GDA: variants seen among roughly 807,000 people sequenced by gnomAD.
GDA encodes the protein guanine deaminase.
A neutral mutation model predicts 59.6 loss-of-function variants in GDA; 18 were observed. The observed-to-expected ratio is 0.30, with a 90% CI of 0.21 to 0.45. GDA has a LOEUF of 0.45. GDA is among the 20% of genes least tolerant of loss of function. The probability of loss-of-function intolerance (pLI) is 1.00; values close to 1 mark genes in which losing one functional copy is unlikely to be tolerated. For synonymous variants in GDA, 201 were observed against 201.1 expected (o/e 1.00, Z 0.00); for missense variants, 427 against 552.3 (o/e 0.77, Z 2.27).
chr9:72,196,134 G>A (rs1321224442), intron 2 of GDA, among the ~76,000 whole-genome samples: 5 of 151,404 alleles, frequency 3.3e-5, no homozygotes, highest in African/African-American at 7.3e-5. Context: ...TTTAATATTC[G>A]TTATATTTCA....
chr9:72,214,108 T>G, intron 5 of GDA, 117 bp downstream of exon 5: 12 of 626,428 alleles, frequency 1.9e-5, no homozygotes, highest in East Asian at 8.6e-5. Flanking sequence ...GATGTGCACA[T>G]AGTGACTCAG....
chr9:72,222,087 G>T (rs375944137), intron 6 of GDA, among the ~76,000 whole-genome samples: 2 of 152,206 alleles, frequency 1.3e-5, no homozygotes, highest in Non-Finnish European at 2.9e-5. Context: ...TAATGGGATT[G>T]TTGAGTCAAA....
chr9:72,118,903 T>G (rs1825563646), intron 1 of GDA, among the ~76,000 whole-genome samples: 1 of 152,208 alleles, frequency 6.6e-6, no homozygotes, highest in Non-Finnish European at 1.5e-5. Context: ...GTACAGGGAC[T>G]GTATTTGTCC....
chr9:72,230,781 GA>G (rs1257312485), intron 9 of GDA, among the ~76,000 whole-genome samples: 1 of 152,118 alleles, frequency 6.6e-6, no homozygotes, highest in East Asian at 1.9e-4. Flanking sequence ...GTGTTGGTTA[GA>G]AAATATTAAA....
intron 1 of GDA, among the ~76,000 whole-genome samples, chr9:72,157,045 T>C (rs1281073459): frequency 6.9e-6 from 1 of 144,484 alleles, no homozygotes; most frequent in African/African-American, 2.6e-5. Flanking sequence ...TTTTTTTTTT[T>C]TTTTTTTTTT....
At chr9:72,171,531 A>G (rs1400669342) in intron 1 of GDA, among the ~76,000 whole-genome samples, 2 of 152,086 alleles carry the variant, frequency 1.3e-5, no homozygotes, top group Non-Finnish European at 2.9e-5. Context: ...GAAAATTTGG[A>G]GGCTGAAATT....
At chr9:72,180,888 T>G (rs1378120861) in intron 1 of GDA, among the ~76,000 whole-genome samples, 1 of 152,256 alleles carries the variant, frequency 6.6e-6, no homozygotes, top group Non-Finnish European at 1.5e-5. Context: ...GGACTGATTA[T>G]GACCTTGTTT....
intron 1 of GDA, among the ~76,000 whole-genome samples, chr9:72,168,854 T>G (rs759034425): frequency 1.4e-4 from 21 of 152,206 alleles, no homozygotes; most frequent in Admixed American, 4.6e-4. Context: ...GAAGGTCACA[T>G]AGCTGGTTAC....
chr9:72,216,222 C>T (rs1185208673), intron 5 of GDA, among the ~76,000 whole-genome samples: 1 of 152,216 alleles, frequency 6.6e-6, no homozygotes, highest in East Asian at 1.9e-4. Flanking sequence ...ACTGGTCTCA[C>T]TGAGCTAAAA....
At chr9:72,159,967 T>C (rs1293250082) in intron 1 of GDA, among the ~76,000 whole-genome samples, 1 of 152,180 alleles carries the variant, frequency 6.6e-6, no homozygotes, top group Non-Finnish European at 1.5e-5. Flanking sequence ...TTCAGAATAT[T>C]GTACAACTAC....
upstream of GDA, among the ~76,000 whole-genome samples, chr9:72,148,449 T>C (rs1011705493): frequency 6.6e-5 from 10 of 151,160 alleles, 1 homozygote; most frequent in Non-Finnish European, 1.5e-5. Flanking sequence ...ATTAGTGGAG[T>C]AGAAACTGCT....
At chr9:72,194,106 C>T (rs765693736) in intron 1 of GDA, 2 of 152,216 alleles carry the variant, frequency 1.3e-5, no homozygotes, top group Non-Finnish European at 2.9e-5. Flanking sequence ...ACTGGGGACT[C>T]CAGGAGCCTG....
intron 1 of GDA, among the ~76,000 whole-genome samples, chr9:72,166,562 T>G (rs1342199241): frequency 6.6e-6 from 1 of 152,072 alleles, no homozygotes. Flanking sequence ...TAATAAATAC[T>G]CAAGATGAGG....
At chr9:72,178,575 G>T (rs766453358) in intron 1 of GDA, among the ~76,000 whole-genome samples, 3 of 151,922 alleles carry the variant, frequency 2.0e-5, no homozygotes, top group Non-Finnish European at 2.9e-5. Context: ...GTATCACCAC[G>T]CCTAGCTAAT....
chr9:72,151,602 GT>G (rs1020310782), intron 1 of GDA, among the ~76,000 whole-genome samples: 15 of 149,736 alleles, frequency 1.0e-4, no homozygotes, highest in East Asian at 1.9e-4. Context: ...TTTTTTTTTG[GT>G]TTTTTTTTGT....
At chr9:72,217,155 A>G (rs1017986859) in intron 5 of GDA, among the ~76,000 whole-genome samples, 1 of 152,260 alleles carries the variant, frequency 6.6e-6, no homozygotes, top group Non-Finnish European at 1.5e-5. Flanking sequence ...AATAGTTTTT[A>G]AAAATAGCAG....
chr9:72,127,130 T>C (rs1825874129), intron 1 of GDA, among the ~76,000 whole-genome samples: 2 of 152,058 alleles, frequency 1.3e-5, no homozygotes, highest in South Asian at 4.2e-4. Context: ...AGAGTTGGCA[T>C]GATCTTGTTC....
intron 10 of GDA, among the ~76,000 whole-genome samples, chr9:72,232,542 A>T (rs551541365): frequency 6.6e-6 from 1 of 152,218 alleles, no homozygotes; most frequent in African/African-American, 2.4e-5. Context: ...AAAAGCTTCA[A>T]GGGATAAGAA....
At chr9:72,147,197 TTTTG>T (rs1428454095), upstream of GDA, among the ~76,000 whole-genome samples, 3 of 152,116 alleles carry the variant, frequency 2.0e-5, no homozygotes, top group Non-Finnish European at 2.9e-5. Context: ...AGAAGCTGTT[TTTTG>T]TTTGTTTGTT....
Sources: gnomAD v4.1 joint callset for allele counts (sites outside exome capture counted in the v4.1 genomes callset) on GRCh38, gnomAD v4.1.1 for gene constraint, MANE v1.5 for transcripts, NCBI Gene and HGNC (gene_info 2026-07-23, HGNC 2026-07-21) for gene names.